The following MARCHF5 variants were observed in gnomAD, a reference collection of about 807,000 sequenced individuals.
The protein encoded by MARCHF5 is E3 ubiquitin-protein ligase MARCHF5.
In MARCHF5, 5 loss-of-function variants were observed where a neutral mutation model predicts 36.5. The ratio of observed to expected loss-of-function variants is 0.14; its 90% CI spans 0.07 to 0.29. MARCHF5 has a LOEUF of 0.29. Among genes scored for constraint, MARCHF5 ranks in the 10% least tolerant of loss-of-function variants. MARCHF5 has a pLI of 1.00. For synonymous variants in MARCHF5, 103 were observed against 109.9 expected, an observed-to-expected ratio of 0.94 and a Z score of 0.39; for missense variants, 179 against 336.3, an observed-to-expected ratio of 0.53 and a Z score of 3.66.
intron 2 of MARCHF5, among the ~76,000 whole-genome samples, chr10:92,311,564 T>C (rs1843145114): frequency 6.6e-6 from 1 of 152,150 alleles, no homozygotes. Flanking sequence ...AACTGTCTGT[T>C]TGATAGAAAG....
At chr10:92,311,101 T>C in intron 1 of MARCHF5, 34 bp from the exon 2 acceptor site, 1 of 1,560,922 alleles carries the variant, frequency 6.4e-7, no homozygotes, top group Non-Finnish European at 8.8e-7. Flanking sequence ...GTCCTAAAGA[T>C]ATAAATGTCA....
chr10:92,316,369 C>T (rs1191900456), intron 2 of MARCHF5, among the ~76,000 whole-genome samples: 1 of 152,086 alleles, frequency 6.6e-6, no homozygotes, highest in Non-Finnish European at 1.5e-5. Context: ...CACTGTTTGC[C>T]ACCCATGTTA....
chr10:92,351,438 A>G lies in MARCHF5; in HGVS notation c.*231A>G. Reference sequence around the variant, plus strand: ...TACTACTTTTATGGCAGTCATATGAACCATTATCTTAGCATGGTAAACCTG... The same window carrying G: ...TACTACTTTTATGGCAGTCATATGAGCCATTATCTTAGCATGGTAAACCTG... On this transcript the variant is annotated 3_prime_UTR_variant, in exon 6 of 6. Transcript: ENST00000358935. 2.9e-6 allele frequency: 1 copy of G among 341,884 alleles called. No individual in the cohort carries two copies. Among genetic ancestry groups the G allele is most frequent in the Non-Finnish European group, 5.2e-6 (1 of 190,584 alleles). The allele number at this position is 341,884 out of a possible 1,614,324, so 21.2% of individuals were successfully genotyped here. A position where few individuals can be genotyped will look rare whatever the true frequency, so the allele number is the denominator to read the frequency against.
chr10:92,340,155 G>A (rs959647170), intron 2 of MARCHF5, among the ~76,000 whole-genome samples: 2 of 152,102 alleles, frequency 1.3e-5, no homozygotes, highest in African/African-American at 4.8e-5. Context: ...AAGCTGAAAT[G>A]ACCATTTCAC....
chr10:92,303,402 C>A (rs1461795740), intron 1 of MARCHF5, among the ~76,000 whole-genome samples: 13 of 152,176 alleles, frequency 8.5e-5, no homozygotes, highest in Non-Finnish European at 1.5e-4. Flanking sequence ...AACTTGAATT[C>A]TCATCTGTAG....
At chr10:92,315,958 A>G (rs1421132016) in intron 2 of MARCHF5, among the ~76,000 whole-genome samples, 2 of 152,200 alleles carry the variant, frequency 1.3e-5, no homozygotes, top group Non-Finnish European at 2.9e-5. Context: ...ATCTCCTCAA[A>G]TTTGTGAAAT....
At chr10:92,331,243 G>A (rs535002324) in intron 2 of MARCHF5, among the ~76,000 whole-genome samples, 1 of 152,016 alleles carries the variant, frequency 6.6e-6, no homozygotes, top group Non-Finnish European at 1.5e-5. Flanking sequence ...TTCACTTCCA[G>A]TTAGAAGGCT....
chr10:92,303,514 C>T (rs192327869), intron 1 of MARCHF5, among the ~76,000 whole-genome samples: 1 of 152,014 alleles, frequency 6.6e-6, no homozygotes, highest in Non-Finnish European at 1.5e-5. Flanking sequence ...GCACTTAATG[C>T]TTGGTATAGT....
intron 2 of MARCHF5, among the ~76,000 whole-genome samples, chr10:92,319,516 G>A (rs1324858405): frequency 3.3e-5 from 5 of 151,638 alleles, no homozygotes; most frequent in Non-Finnish European, 5.9e-5. Flanking sequence ...GGATGGTCTC[G>A]ATCTCCTGAC....
At chr10:92,329,878 T>A (rs1374513728) in intron 2 of MARCHF5, among the ~76,000 whole-genome samples, 1 of 152,324 alleles carries the variant, frequency 6.6e-6, no homozygotes, top group African/African-American at 2.4e-5. Flanking sequence ...AGAGATTTGC[T>A]CTTGTTGCCC....
At chr10:92,328,556 G>T (rs909565955) in intron 2 of MARCHF5, among the ~76,000 whole-genome samples, 1 of 151,026 alleles carries the variant, frequency 6.6e-6, no homozygotes, top group South Asian at 2.1e-4. Context: ...TACCTAAGTG[G>T]TTATTCTTGA....
chr10:92,300,981 G>C (rs1029507030), intron 1 of MARCHF5, among the ~76,000 whole-genome samples: 3 of 151,358 alleles, frequency 2.0e-5, no homozygotes, highest in Admixed American at 1.3e-4. Context: ...CAGCCTCCGG[G>C]TTCAAGCGAT....
intron 2 of MARCHF5, among the ~76,000 whole-genome samples, chr10:92,317,703 G>C (rs1564947115): frequency 6.7e-6 from 1 of 150,074 alleles, no homozygotes; most frequent in Non-Finnish European, 1.5e-5. Flanking sequence ...ATAAGATCAT[G>C]TCATTGTTGA....
chr10:92,306,626 T>C (rs371643855), intron 1 of MARCHF5, among the ~76,000 whole-genome samples: 1 of 152,176 alleles, frequency 6.6e-6, no homozygotes, highest in East Asian at 1.9e-4. Context: ...GAATAAATCG[T>C]TGAAGTAGAT....
At chr10:92,347,844 A>G (rs911315985) in intron 3 of MARCHF5, among the ~76,000 whole-genome samples, 6 of 152,138 alleles carry the variant, frequency 3.9e-5, no homozygotes, top group Non-Finnish European at 5.9e-5. Context: ...GGAAATCTGG[A>G]CTATATCCAT....
At chr10:92,313,065 C>G (rs1436376986) in intron 2 of MARCHF5, among the ~76,000 whole-genome samples, 7 of 151,496 alleles carry the variant, frequency 4.6e-5, no homozygotes, top group African/African-American at 1.7e-4. Flanking sequence ...GAAACTATGT[C>G]TTTACTAAAA....
chr10:92,334,189 C>T lies in MARCHF5; in HGVS notation c.239-6484C>T, dbSNP rs527720390. Among the ~76,000 whole-genome samples, 9 of 152,252 alleles carry T rather than the reference C, an allele frequency of 5.9e-5. 1 individual carries two copies. Among genetic ancestry groups the T allele is most frequent in the African/African-American group, 1.9e-4 (8 of 41,550 alleles). Reference sequence around the variant, plus strand: ...TGGGCTATAGAGCGAGACTCTGTCTCGGAAGAAAGTTGGCATTTGAGTTTG... The same window carrying T: ...TGGGCTATAGAGCGAGACTCTGTCTTGGAAGAAAGTTGGCATTTGAGTTTG... On this transcript the variant is annotated intron_variant, in intron 2 of 5. Coordinates refer to ENST00000358935, the MANE Select transcript of MARCHF5 (RefSeq NM_017824.5).
intron 2 of MARCHF5, among the ~76,000 whole-genome samples, chr10:92,326,994 G>A (rs1295508020): frequency 6.6e-6 from 1 of 151,662 alleles, no homozygotes; most frequent in Non-Finnish European, 1.5e-5. Flanking sequence ...TTTCATTGCA[G>A]TTTGTTTCTC....
intron 2 of MARCHF5, among the ~76,000 whole-genome samples, chr10:92,329,282 CTG>C (rs1407384021): frequency 1.3e-5 from 2 of 152,114 alleles, no homozygotes; most frequent in African/African-American, 2.4e-5. Flanking sequence ...TGTTAGCAAA[CTG>C]AGATTTTAGC....
Sources: gnomAD v4.1 joint callset for allele counts (sites outside exome capture counted in the v4.1 genomes callset) on GRCh38, gnomAD v4.1.1 for gene constraint, MANE v1.5 for transcripts, NCBI Gene and HGNC (gene_info 2026-07-23, HGNC 2026-07-21) for gene names.